The following GIGYF2 variants were observed in gnomAD, a reference collection of about 807,000 sequenced individuals.
The protein encoded by GIGYF2 is GRB10-interacting GYF protein 2.
A neutral mutation model predicts 208.1 loss-of-function variants in GIGYF2; 25 were observed. That is an observed-to-expected ratio of 0.12 (90% CI 0.09 to 0.17). The LOEUF is 0.17. Ranked by LOEUF, GIGYF2 falls within the 10% of genes least tolerant of loss-of-function variation. The pLI is 1.00. For missense variants in GIGYF2, 1,302 were observed against 1,579.4 expected, an observed-to-expected ratio of 0.82 and a Z score of 2.98; for synonymous variants, 534 against 543.8, an observed-to-expected ratio of 0.98 and a Z score of 0.25.
At chr2:232,708,338 T>C (rs1299421114) in intron 2 of GIGYF2, among the ~76,000 whole-genome samples, 1 of 152,154 alleles carries the variant, frequency 6.6e-6, no homozygotes, top group East Asian at 1.9e-4. Flanking sequence ...CAGACTATGT[T>C]GTTTAATTGT....
chr2:232,775,719 A>G (rs760349760), intron 8 of GIGYF2, among the ~76,000 whole-genome samples: 2 of 152,220 alleles, frequency 1.3e-5, no homozygotes, highest in East Asian at 3.8e-4. Context: ...AAAAGTATGT[A>G]TTTTCTGTTG....
In GIGYF2 at chr2:232,858,580, T is replaced by C. The variant is rs1690661164; in HGVS notation, c.*1720T>C. The stretch of plus-strand genomic sequence containing the variant: ...TAGGCTCCCTCGGAACTTTTGCCAG[T>C]GTGGAGGAAAATAAAAAAGAACTTA... On this transcript the variant is annotated 3_prime_UTR_variant, in exon 29 of 29. Transcript: ENST00000373563. The C allele has an allele frequency of 2.2e-6, 1 of 455,240 alleles. No individual in the cohort carries two copies. Among genetic ancestry groups the C allele is most frequent in the Admixed American group, 2.4e-5 (1 of 42,138 alleles). The allele number at this position is 455,240 out of a possible 1,614,324, so 28.2% of individuals were successfully genotyped here. A position where few individuals can be genotyped will look rare whatever the true frequency, so the allele number is the denominator to read the frequency against.
chr2:232,749,155 A>G (rs1318528018), intron 5 of GIGYF2, 73 bp downstream of exon 5: 5 of 810,734 alleles, frequency 6.2e-6, no homozygotes, highest in African/African-American at 5.0e-5. Context: ...GGAAGTTACT[A>G]TTTATGCTCT....
At chr2:232,811,533 T>G (rs1298905446) in intron 17 of GIGYF2, among the ~76,000 whole-genome samples, 182 bp downstream of exon 17, 1 of 152,252 alleles carries the variant, frequency 6.6e-6, no homozygotes, top group African/African-American at 2.4e-5. Context: ...AAGCGTTTAT[T>G]TGGTCTTTTA....
chr2:232,809,853 A>T, intron 16 of GIGYF2, 42 bp downstream of exon 16: 1 of 1,086,956 alleles, frequency 9.2e-7, no homozygotes, highest in Non-Finnish European at 1.4e-6. Context: ...AGCATGAAAA[A>T]GGACTTTAAA....
intron 8 of GIGYF2, among the ~76,000 whole-genome samples, chr2:232,785,405 C>G (rs1317695760): frequency 1.3e-5 from 2 of 152,176 alleles, no homozygotes; most frequent in East Asian, 1.9e-4. Flanking sequence ...GGGTTTGATC[C>G]ACTTCCAGAC....
rs1486928552 is a variant in GIGYF2, at chr2:232,812,488, A to G, written c.2104A>G (p.Thr702Ala). ...WELQPTASQPTVWEGGSVWDL... is the reference protein window; with the variant it reads ...WELQPTASQPAVWEGGSVWDL... Reference sequence around the variant, plus strand: ...GCTTCAGCCAACAGCTTCACAGCCTACAGGTAAAAACTTAGATTAACCTTT... The same window carrying G: ...GCTTCAGCCAACAGCTTCACAGCCTGCAGGTAAAAACTTAGATTAACCTTT... The change falls in exon 18 of 29, where the codon ACA becomes GCA. Residue 702 changes from threonine (T) to alanine (A), a missense_variant. Thr to Ala is a moderately conservative substitution (Grantham distance 58). Coordinates refer to ENST00000373563, the MANE Select transcript of GIGYF2 (RefSeq NM_001103146.3). 1 of 1,296,586 alleles carries G rather than the reference A, an allele frequency of 7.7e-7. No individual in the cohort carries two copies. Among genetic ancestry groups the G allele is most frequent in the Admixed American group, 1.7e-5 (1 of 59,614 alleles). 80.3% of individuals were successfully genotyped at this position (1,296,586 alleles called of 1,614,324 possible).
At chr2:232,856,407 T>C (rs1428772834) in intron 28 of GIGYF2, among the ~76,000 whole-genome samples, 1 of 152,124 alleles carries the variant, frequency 6.6e-6, no homozygotes, top group Non-Finnish European at 1.5e-5. Context: ...AACAAAAGAC[T>C]GGCCAGGCAC....
intron 14 of GIGYF2, among the ~76,000 whole-genome samples, chr2:232,801,831 A>T (rs939610140): frequency 6.6e-6 from 1 of 152,220 alleles, no homozygotes; most frequent in Non-Finnish European, 1.5e-5. Flanking sequence ...TGGGATTTTA[A>T]TAGGGATTAT....
intron 16 of GIGYF2, 49 bp downstream of exon 16, chr2:232,809,860 T>C (rs1231447995): frequency 9.7e-7 from 1 of 1,033,350 alleles, no homozygotes; most frequent in Non-Finnish European, 1.5e-6. Flanking sequence ...AAAAGGACTT[T>C]AAATAGAATC....
intron 3 of GIGYF2, among the ~76,000 whole-genome samples, chr2:232,742,018 A>C (rs547109325): frequency 6.8e-6 from 1 of 146,664 alleles, no homozygotes; most frequent in African/African-American, 2.8e-5. Context: ...TTCCCACTTA[A>C]CATCTCCTTC....
intron 8 of GIGYF2, among the ~76,000 whole-genome samples, chr2:232,772,559 A>G (rs944928590): frequency 1.3e-5 from 2 of 152,188 alleles, no homozygotes; most frequent in Non-Finnish European, 2.9e-5. Flanking sequence ...CCTTTTCTCA[A>G]GGTGGTGAGT....
chr2:232,733,918 A>C (rs1452665676), intron 2 of GIGYF2, among the ~76,000 whole-genome samples: 1 of 152,162 alleles, frequency 6.6e-6, no homozygotes, highest in Admixed American at 6.6e-5. Context: ...GGTTGAATCC[A>C]TGAACCAGAA....
At chr2:232,779,389 T>G (rs1181368764) in intron 8 of GIGYF2, among the ~76,000 whole-genome samples, 1 of 152,218 alleles carries the variant, frequency 6.6e-6, no homozygotes, top group Non-Finnish European at 1.5e-5. Context: ...ACTGAAATAA[T>G]TCACTATATA....
At chr2:232,820,867 G>A (rs1701059260) in intron 21 of GIGYF2, among the ~76,000 whole-genome samples, 1 of 151,816 alleles carries the variant, frequency 6.6e-6, no homozygotes, top group African/African-American at 2.4e-5. Context: ...GCCTCACTCT[G>A]TTGCCCAGGC....
intron 27 of GIGYF2, among the ~76,000 whole-genome samples, chr2:232,849,212 T>TGGAGTGCAGTAGCGC (rs1229745251): frequency 6.6e-6 from 1 of 152,160 alleles, no homozygotes; most frequent in African/African-American, 2.4e-5. Context: ...TTGCCCAAGC[T>TGGAGTGCAGTAGCGC]GGAGTGCAGT....
chr2:232,786,648 A>G (rs1699916128), intron 8 of GIGYF2, among the ~76,000 whole-genome samples: 1 of 152,246 alleles, frequency 6.6e-6, no homozygotes, highest in South Asian at 2.1e-4. Context: ...TTGTATGATG[A>G]AAAATATCTT....
At chr2:232,773,910 T>TAAAAAAA (rs61323973) in intron 8 of GIGYF2, among the ~76,000 whole-genome samples, 21 of 112,796 alleles carry the variant, frequency 1.9e-4, no homozygotes, top group African/African-American at 6.0e-4. Context: ...TGTCTCTATT[T>TAAAAAAA]AAAAAAAAAA....
chr2:232,844,299 T>C, intron 24 of GIGYF2, 44 bp downstream of exon 24: 3 of 1,612,526 alleles, frequency 1.9e-6, no homozygotes, highest in Non-Finnish European at 2.5e-6. Flanking sequence ...ACTAGTATTA[T>C]CTTTTCTGAC....
Sources: gnomAD v4.1 joint callset for allele counts (sites outside exome capture counted in the v4.1 genomes callset) on GRCh38, gnomAD v4.1.1 for gene constraint, MANE v1.5 for transcripts, NCBI Gene and HGNC (gene_info 2026-07-23, HGNC 2026-07-21) for gene names.